Variants in SYK observed in about 807,000 individuals in gnomAD.
SYK encodes the protein spleen associated tyrosine kinase.
In SYK, 16 loss-of-function variants were observed where a neutral mutation model predicts 77.8. That is an observed-to-expected ratio of 0.21 (90% CI 0.14 to 0.31). The LOEUF is 0.31. Ranked by LOEUF, SYK falls within the 10% of genes least tolerant of loss-of-function variation. SYK has a pLI of 1.00. For missense variants in SYK, 529 were observed against 814.4 expected, an observed-to-expected ratio of 0.65 and a Z score of 4.26; for synonymous variants, 312 against 308.7, an observed-to-expected ratio of 1.01 and a Z score of -0.11.
chr9:90,843,785 T>G, intron 1 of SYK, 73 bp from the exon 2 acceptor site: 1 of 1,210,508 alleles, frequency 8.3e-7, no homozygotes, highest in Non-Finnish European at 1.1e-6. Context: ...TTTGAAAGGG[T>G]TTGAGTGGTT....
At chr9:90,821,035 A>G (rs290248) in intron 1 of SYK, among the ~76,000 whole-genome samples, 19,077 of 152,152 alleles carry the variant, frequency 0.13, 1,626 homozygotes, top group East Asian at 0.44. Flanking sequence ...TTGCTAAAAC[A>G]TAACAAGAGT....
At chr9:90,814,839 C>CAT (rs1234646429) in intron 1 of SYK, among the ~76,000 whole-genome samples, 1 of 56,142 alleles carries the variant, frequency 1.8e-5, no homozygotes, top group Non-Finnish European at 4.1e-5. Context: ...CACGTGCACA[C>CAT]ACACACACAC....
intron 11 of SYK, among the ~76,000 whole-genome samples, chr9:90,880,001 C>G (rs1299172825): frequency 6.6e-6 from 1 of 152,230 alleles, no homozygotes. Context: ...AACGTGATGG[C>G]ACCAATCCCA....
intron 1 of SYK, among the ~76,000 whole-genome samples, chr9:90,815,256 A>G (rs906879963): frequency 6.6e-6 from 1 of 152,236 alleles, no homozygotes; most frequent in Non-Finnish European, 1.5e-5. Flanking sequence ...CCAAGAAATA[A>G]GGCGTTTGTT....
chr9:90,819,230 G>C (rs1825416318), intron 1 of SYK, among the ~76,000 whole-genome samples: 1 of 152,186 alleles, frequency 6.6e-6, no homozygotes, highest in Non-Finnish European at 1.5e-5. Flanking sequence ...GCAGTCTTAT[G>C]TGAGATAATA....
In SYK at chr9:90,867,114, G is replaced by T; in HGVS notation, c.847-17G>T. The T allele has an allele frequency of 6.2e-7, 1 of 1,613,814 alleles. No homozygotes were observed. The highest frequency in any genetic ancestry group is 8.5e-7 in the Non-Finnish European group (1 of 1,179,844). ...TCTGAAACATTTACTGTTCCTCTTT[G>T]CCGTTGTGGTTTCTAGACTTGGTCA... On this transcript the variant is annotated splice_polypyrimidine_tract_variant and intron_variant, in intron 6 of 13. Coordinates refer to ENST00000375754, the MANE Select transcript of SYK (RefSeq NM_003177.7).
rs549340663 is a variant in SYK at position 90,822,721 on chromosome 9, T to A, written c.-42+20828T>A. On this transcript the variant is annotated intron_variant, in intron 1 of 13. Coordinates refer to ENST00000375754, the MANE Select transcript of SYK (RefSeq NM_003177.7). Reference sequence around the variant, plus strand: ...TGGGCACAGGCTCACTCAGAGGCTATCAGACAGAAAGCTCTGCCTCACTGC... The same window carrying A: ...TGGGCACAGGCTCACTCAGAGGCTAACAGACAGAAAGCTCTGCCTCACTGC... Among the ~76,000 whole-genome samples the A allele has an allele frequency of 1.2e-4, 18 of 152,264 alleles. No individual in the cohort carries two copies. The South Asian group carries it at 1.5e-3, about 12-fold the overall frequency.
intron 1 of SYK, among the ~76,000 whole-genome samples, chr9:90,807,425 G>A (rs1377466960): frequency 1.3e-5 from 2 of 152,162 alleles, no homozygotes; most frequent in African/African-American, 4.8e-5. Flanking sequence ...GGCCCCACTG[G>A]GTTCAAGTCC....
At chr9:90,848,630 A>C (rs1358788625) in intron 3 of SYK, among the ~76,000 whole-genome samples, 1 of 152,240 alleles carries the variant, frequency 6.6e-6, no homozygotes, top group Non-Finnish European at 1.5e-5. Context: ...GAATGTGCTC[A>C]TGTCTACTTT....
At chr9:90,823,809 A>T (rs1825591440) in intron 1 of SYK, among the ~76,000 whole-genome samples, 1 of 152,078 alleles carries the variant, frequency 6.6e-6, no homozygotes, top group African/African-American at 2.4e-5. Flanking sequence ...ATATAAAGAA[A>T]ATTACTTGTG....
At position 90,884,567 on chromosome 9, in the gene SYK, A is replaced by G. The variant is rs1488526966; in HGVS notation, c.1582-3182A>G. ...TACATACACATACACATATGTGTAC[A>G]TGTACATACATACACATACACATAT... On this transcript the variant is annotated intron_variant, in intron 11 of 13. Transcript: ENST00000375754. Among the ~76,000 whole-genome samples the G allele has an allele frequency of 2.9e-5, 3 of 103,478 alleles. 1 individual carries two copies. Among genetic ancestry groups the G allele is most frequent in the African/African-American group, 1.2e-4 (3 of 25,076 alleles). 67.9% of individuals were successfully genotyped at this position (103,478 alleles called of 152,430 possible). A position where few individuals can be genotyped will look rare whatever the true frequency, so the allele number is the denominator to read the frequency against.
intron 1 of SYK, among the ~76,000 whole-genome samples, chr9:90,832,905 G>T (rs1825944127): frequency 6.6e-6 from 1 of 152,208 alleles, no homozygotes; most frequent in African/African-American, 2.4e-5. Flanking sequence ...AGTCAGGTGT[G>T]GGCCAGGGCT....
rs570843636 is a variant in SYK, at chr9:90,866,965, A to G, written c.847-166A>G. ...TTCCCAAGTGGCAGGCCCTTCCAGA[A>G]GCCTTCCCAATGATCAGGTGTTGCC... On this transcript the variant is annotated intron_variant, in intron 6 of 13. Transcript: ENST00000375754. Among the ~76,000 whole-genome samples, 7 of 152,316 alleles carry G rather than the reference A, an allele frequency of 4.6e-5. No individual in the cohort carries two copies. In the East Asian group the frequency reaches 7.7e-4, roughly 17 times the overall value.
intron 3 of SYK, among the ~76,000 whole-genome samples, chr9:90,853,394 T>C (rs1342437534): frequency 6.6e-6 from 1 of 151,586 alleles, no homozygotes; most frequent in Non-Finnish European, 1.5e-5. Context: ...GGACTATAAA[T>C]CATGCTGCTA....
intron 1 of SYK, among the ~76,000 whole-genome samples, chr9:90,812,824 G>A (rs1050270699): frequency 6.7e-6 from 1 of 150,126 alleles, no homozygotes; most frequent in South Asian, 2.1e-4. Flanking sequence ...TTTCTGTTGC[G>A]AACAGTCCTT....
chr9:90,877,608 G>A lies in SYK; in HGVS notation c.1219G>A (p.Glu407Lys), dbSNP rs1827990829. The A allele has an allele frequency of 1.2e-6, 2 of 1,614,066 alleles. No homozygotes were observed. Among genetic ancestry groups the A allele is most frequent in the Non-Finnish European group, 1.7e-6 (2 of 1,180,028 alleles). Residue 407 changes from glutamate (E) to lysine (K), a missense_variant, in exon 10 of 14, where the codon GAG (glutamate) becomes AAG (lysine). This residue lies in a region of SYK where 208 missense variants were observed against 381.3 expected (regional missense o/e 0.55). Transcript: ENST00000375754. ...CGTGGCTGTGAAAATACTGAAAAACGAGGCCAATGACCCCGCTCTTAAAGA... is the reference window on the plus strand; with the variant it reads ...CGTGGCTGTGAAAATACTGAAAAACAAGGCCAATGACCCCGCTCTTAAAGA... ...KTVAVKILKNEANDPALKDEL... is the reference protein window; with the variant it reads ...KTVAVKILKNKANDPALKDEL...
At chr9:90,801,952 G>C (rs1258953131) in intron 1 of SYK, 59 bp downstream of exon 1, 2 of 152,310 alleles carry the variant, frequency 1.3e-5, no homozygotes, top group Non-Finnish European at 2.9e-5. Context: ...AGGAGGTTAC[G>C]GGGAACGACG....
chr9:90,862,591 A>G (rs1827319534), intron 4 of SYK, among the ~76,000 whole-genome samples: 2 of 152,232 alleles, frequency 1.3e-5, no homozygotes, highest in Admixed American at 1.3e-4. Flanking sequence ...GCACTGGTCC[A>G]GAGGCCGTCA....
intron 1 of SYK, among the ~76,000 whole-genome samples, chr9:90,828,822 A>C (rs1825773435): frequency 6.6e-6 from 1 of 152,160 alleles, no homozygotes; most frequent in African/African-American, 2.4e-5. Context: ...GGTCACCAGC[A>C]CAGCACGGTG....
Sources: allele counts gnomAD v4.1 joint callset (sites outside exome capture counted in the v4.1 genomes callset), GRCh38; gene constraint gnomAD v4.1.1; regional missense constraint gnomAD v4.1.1; transcripts MANE v1.5; gene names NCBI Gene and HGNC (gene_info 2026-07-23, HGNC 2026-07-21).